Variants in SRP72 observed in about 807,000 individuals in gnomAD.
SRP72 encodes the protein signal recognition particle 72, also known as signal recognition particle subunit SRP72.
SRP72 carries 49 observed loss-of-function variants against 96.3 expected under a neutral mutation model. The ratio of observed to expected loss-of-function variants is 0.51; its 90% CI spans 0.40 to 0.65. SRP72 has a LOEUF of 0.65. Ranked by LOEUF, SRP72 falls within the 30% of genes least tolerant of loss-of-function variation. The pLI is 0.00. For missense variants in SRP72, 736 were observed against 793.3 expected, an observed-to-expected ratio of 0.93 and a Z score of 0.87; for synonymous variants, 267 against 275.2, an observed-to-expected ratio of 0.97 and a Z score of 0.30.
intron 1 of SRP72, 48 bp from the exon 2 acceptor site, chr4:56,469,605 G>T: frequency 4.0e-6 from 6 of 1,488,482 alleles, no homozygotes; most frequent in Non-Finnish European, 5.4e-6. Context: ...GTAAAAATGT[G>T]AAAAGGAAAT....
intron 8 of SRP72, 101 bp from the exon 9 acceptor site, chr4:56,483,038 T>C (rs891144145): frequency 3.1e-5 from 34 of 1,096,594 alleles, no homozygotes; most frequent in Non-Finnish European, 4.0e-5. Context: ...ATCAGGTAGA[T>C]AGATTCAAGC....
At chr4:56,479,649 TA>T (rs1005771725) in intron 8 of SRP72, among the ~76,000 whole-genome samples, 12 of 150,368 alleles carry the variant, frequency 8.0e-5, no homozygotes, top group East Asian at 2.0e-4. Flanking sequence ...CCGGCTAATT[TA>T]AAAAAAAATT....
intron 12 of SRP72, among the ~76,000 whole-genome samples, chr4:56,488,385 C>G (rs1367586146): frequency 6.6e-6 from 1 of 152,146 alleles, no homozygotes; most frequent in Non-Finnish European, 1.5e-5. Flanking sequence ...TCAAATATTG[C>G]AGGTTTCAAT....
intron 16 of SRP72, among the ~76,000 whole-genome samples, chr4:56,493,115 G>A (rs1720965239): frequency 6.6e-6 from 1 of 152,102 alleles, no homozygotes; most frequent in South Asian, 2.1e-4. Context: ...TCAGCTCACT[G>A]CAACCTCCGC....
chr4:56,480,630 G>A (rs1720445939), intron 8 of SRP72, among the ~76,000 whole-genome samples: 1 of 152,206 alleles, frequency 6.6e-6, no homozygotes, highest in South Asian at 2.1e-4. Flanking sequence ...AAATATCTCA[G>A]TCTGAACATA....
chr4:56,478,755 A>C lies in SRP72; in HGVS notation c.825+106A>C. On this transcript the variant is annotated intron_variant, in intron 8 of 18. Transcript: ENST00000642900. ...CCTAAGTGTTCTTTTTAACATGATG[A>C]AAAAAGTCCAGTTGTAGCAAAATCA... 5.3e-6 allele frequency: 6 copies of C among 1,141,840 alleles called. No homozygotes were observed. In the East Asian group the frequency reaches 1.5e-4, roughly 28 times the overall value. 70.7% of individuals were successfully genotyped at this position (1,141,840 alleles called of 1,614,324 possible). A position where few individuals can be genotyped will look rare whatever the true frequency, so the allele number is the denominator to read the frequency against.
intron 5 of SRP72, 193 bp downstream of exon 5, chr4:56,474,584 C>T: frequency 1.7e-6 from 1 of 605,832 alleles, no homozygotes; most frequent in East Asian, 2.8e-5. Flanking sequence ...TACCCTGTTG[C>T]CCAGGCTGGA....
At position 56,467,694 on chromosome 4, in the gene SRP72, G is replaced by C; in HGVS notation, c.59G>C (p.Arg20Pro). ...SVPALWSEVNRYGQNGDFTRA... is the reference protein window; with the variant it reads ...SVPALWSEVNPYGQNGDFTRA... ...CCTGCGCTGTGGAGTGAAGTGAACC[G>C]GTATGGCCAGAACGGCGACTTCACG... The change falls in exon 1 of 19, where the codon CGG becomes CCG. Residue 20 changes from arginine (R) to proline (P), a missense_variant. Physicochemically the swap from Arg to Pro is moderately radical, Grantham distance 103. Transcript: ENST00000642900. 1.3e-6 allele frequency: 2 copies of C among 1,565,126 alleles called. No individual in the cohort carries two copies. The highest frequency in any genetic ancestry group is 1.7e-6 in the Non-Finnish European group (2 of 1,158,278).
intron 8 of SRP72, among the ~76,000 whole-genome samples, chr4:56,481,253 T>A (rs913416586): frequency 5.9e-5 from 9 of 152,222 alleles, no homozygotes; most frequent in Admixed American, 2.0e-4. Context: ...TTCCTTTTTG[T>A]CTTTAAACTG....
chr4:56,474,954 G>A (rs576284991), intron 5 of SRP72, among the ~76,000 whole-genome samples: 11 of 152,210 alleles, frequency 7.2e-5, no homozygotes, highest in Admixed American at 4.6e-4. Flanking sequence ...TAAAGTGCTG[G>A]GATTACAGCC....
At chr4:56,501,627 T>C in intron 18 of SRP72, 57 bp from the exon 19 acceptor site, 7 of 1,502,734 alleles carry the variant, frequency 4.7e-6, no homozygotes, top group Non-Finnish European at 6.4e-6. Context: ...TACATACATT[T>C]TTATACTCTT....
Position 56,484,182 on chromosome 4 carries a change from C to T in SRP72, c.958-554C>T, listed in dbSNP as rs1318216678. 2.0e-5 allele frequency among the ~76,000 whole-genome samples: 3 copies of T among 151,646 alleles called. No homozygotes were observed. In the East Asian group the frequency reaches 5.8e-4, roughly 30 times the overall value. On this transcript the variant is annotated intron_variant, in intron 9 of 18. Transcript: ENST00000642900. Reference sequence around the variant, plus strand: ...CCGAGTAGCTGGGACTACAGGCGCCCAGCACCACGCCTGGCTAATTTACTT... The same window carrying T: ...CCGAGTAGCTGGGACTACAGGCGCCTAGCACCACGCCTGGCTAATTTACTT...
At chr4:56,478,354 T>C (rs200804327) in intron 6 of SRP72, 25 bp from the exon 7 acceptor site, 3 of 1,543,418 alleles carry the variant, frequency 1.9e-6, no homozygotes. Context: ...AAAATTTATA[T>C]GGGAAAAACA....
chr4:56,497,567 A>G, intron 17 of SRP72, among the ~76,000 whole-genome samples: 1 of 152,108 alleles, frequency 6.6e-6, no homozygotes, highest in Admixed American at 6.6e-5. Flanking sequence ...GTTTGGGCAT[A>G]TTATAATGTA....
At chr4:56,499,022 C>A (rs530685073) in intron 17 of SRP72, among the ~76,000 whole-genome samples, 70 of 152,270 alleles carry the variant, frequency 4.6e-4, no homozygotes, top group African/African-American at 9.4e-4. Context: ...ACTATTGTTA[C>A]AAGGCTACAG....
chr4:56,472,450 A>G (rs1218484489), intron 3 of SRP72, among the ~76,000 whole-genome samples: 3 of 149,164 alleles, frequency 2.0e-5, no homozygotes, highest in African/African-American at 7.4e-5. Context: ...GGTTCAAGCG[A>G]TTCTCCTGCC....
At chr4:56,484,389 T>A (rs2110122609) in intron 9 of SRP72, among the ~76,000 whole-genome samples, 1 of 152,280 alleles carries the variant, frequency 6.6e-6, no homozygotes, top group South Asian at 2.1e-4. Context: ...CTTAATAATG[T>A]AGCAAAAAAT....
At chr4:56,485,483 T>A (rs1223117636) in intron 10 of SRP72, among the ~76,000 whole-genome samples, 1 of 151,876 alleles carries the variant, frequency 6.6e-6, no homozygotes, top group Non-Finnish European at 1.5e-5. Context: ...ATCCAAGAAT[T>A]CAACCAGCCA....
chr4:56,491,311 T>C, intron 15 of SRP72, 120 bp from the exon 16 acceptor site: 1 of 1,219,406 alleles, frequency 8.2e-7, no homozygotes. Context: ...TTTGCTTTTG[T>C]TGAAGGTCAT....
Sources: gnomAD v4.1 joint callset for allele counts (sites outside exome capture counted in the v4.1 genomes callset) on GRCh38, gnomAD v4.1.1 for gene constraint, MANE v1.5 for transcripts, NCBI Gene and HGNC (gene_info 2026-07-23, HGNC 2026-07-21) for gene names.